Variants in IRS2 observed in about 807,000 individuals in gnomAD.
The protein encoded by IRS2 is insulin receptor substrate 2.
IRS2 carries 28 observed loss-of-function variants against 70.9 expected under a neutral mutation model. That is an observed-to-expected ratio of 0.39 (90% CI 0.29 to 0.54). The LOEUF is 0.54. Ranked by LOEUF, IRS2 falls within the 20% of genes least tolerant of loss-of-function variation. The pLI, the probability that IRS2 is intolerant of heterozygous loss-of-function variation, is 0.59. For synonymous variants in IRS2, 1,217 were observed against 981.9 expected, an observed-to-expected ratio of 1.24 and a Z score of -4.48; for missense variants, 2,081 against 2,024.1, an observed-to-expected ratio of 1.03 and a Z score of -0.54.
chr13:109,754,392 C>T lies in IRS2; in HGVS notation c.*1912G>A, dbSNP rs542609695. The T allele has an allele frequency of 3.3e-5, 7 of 210,160 alleles. No homozygotes were observed. The South Asian group carries it at 1.1e-3, about 34-fold the overall frequency. The allele number at this position is 210,160 out of a possible 1,614,324, so 13.0% of individuals were successfully genotyped here. A position where few individuals can be genotyped will look rare whatever the true frequency, so the allele number is the denominator to read the frequency against. Reference sequence around the variant, plus strand: ...TCATGACTACTCTACGGATAGAGGGCGAGTTAAATATGCGTCAATACACTG... The same window carrying T: ...TCATGACTACTCTACGGATAGAGGGTGAGTTAAATATGCGTCAATACACTG... On this transcript the variant is annotated 3_prime_UTR_variant, in exon 2 of 2. Transcript: ENST00000375856.
intron 1 of IRS2, among the ~76,000 whole-genome samples, chr13:109,768,220 T>C (rs903946252): frequency 3.3e-5 from 5 of 152,260 alleles, no homozygotes; most frequent in Non-Finnish European, 7.3e-5. Flanking sequence ...CTTTCACCAT[T>C]AGTTTTCTAC....
chr13:109,770,258 G>A (rs1330421094), intron 1 of IRS2, among the ~76,000 whole-genome samples: 2 of 152,246 alleles, frequency 1.3e-5, no homozygotes, highest in East Asian at 3.9e-4. Flanking sequence ...TACCCTTAAC[G>A]CAGCCTTTGG....
intron 1 of IRS2, among the ~76,000 whole-genome samples, chr13:109,773,904 CATT>C (rs1877513714): frequency 6.6e-6 from 1 of 152,234 alleles, no homozygotes; most frequent in East Asian, 1.9e-4. Context: ...TGAGATGTGT[CATT>C]GTTTGTATCA....
At position 109,782,326 on chromosome 13, in the gene IRS2, G is replaced by T. The variant is rs1048297070; in HGVS notation, c.3728C>A (p.Thr1243Asn). ...GSGGSPMRRETSAGFQNGLNY... is the reference protein window; with the variant it reads ...GSGGSPMRRENSAGFQNGLNY... Reference sequence around the variant, plus strand: ...GAGACCATTCTGGAAGCCGGCAGAGGTCTCTCTGCGCATGGGCGATCCACC... The same window carrying T: ...GAGACCATTCTGGAAGCCGGCAGAGTTCTCTCTGCGCATGGGCGATCCACC... Residue 1243 changes from threonine to asparagine, a missense_variant, in exon 1 of 2, where the codon ACC becomes AAC. Transcript: ENST00000375856. The T allele has an allele frequency of 6.2e-7, 1 of 1,611,762 alleles. No homozygotes were observed. Among genetic ancestry groups the T allele is most frequent in the South Asian group, 1.1e-5 (1 of 91,078 alleles).
chr13:109,770,469 A>G (rs572138008), intron 1 of IRS2, among the ~76,000 whole-genome samples: 2 of 152,304 alleles, frequency 1.3e-5, no homozygotes, highest in African/African-American at 4.8e-5. Context: ...GAAAACTTAC[A>G]AACACTACCT....
In IRS2 at chr13:109,759,418, G is replaced by A. The variant is rs531043753; in HGVS notation, c.4013-3110C>T. 1.1e-4 allele frequency among the ~76,000 whole-genome samples: 17 copies of A among 152,234 alleles called. No individual in the cohort carries two copies. The South Asian group carries it at 2.1e-3, about 19-fold the overall frequency. On this transcript the variant is annotated intron_variant, in intron 1 of 1. Transcript: ENST00000375856. ...TTAACCAGCAGAAACAATCCTTTGC[G>A]GAGGTGCAAAAGGGCAGCGAGGAAA...
Position 109,784,861 on chromosome 13 carries a change from G to C in IRS2, c.1193C>G (p.Pro398Arg), listed in dbSNP as rs949365108. ...SPLSPGPVRA[P>R]LSRSHTLSGG... ...GCTCAGGGTGTGCGAGCGGCTCAGGGGCGCGCGCACCGGCCCGGGGCTCAG... is the reference window on the plus strand; with the variant it reads ...GCTCAGGGTGTGCGAGCGGCTCAGGCGCGCGCGCACCGGCCCGGGGCTCAG... Residue 398 changes from proline to arginine, a missense_variant, in exon 1 of 2, where the codon CCC becomes CGC. Coordinates refer to ENST00000375856, the MANE Select transcript of IRS2 (RefSeq NM_003749.3). The surrounding 1 kb of genome is among the most constrained non-coding windows in gnomAD (Gnocchi z 5.2). The C allele has an allele frequency of 6.9e-6, 8 of 1,154,378 alleles. No individual in the cohort carries two copies. 71.5% of individuals were successfully genotyped at this position (1,154,378 alleles called of 1,614,324 possible).
In IRS2 at chr13:109,783,102, G is replaced by T; in HGVS notation, c.2952C>A (p.Ser984Arg). ...PLSDYMNLDFSSPKSPKPGAP... is the reference protein window; with the variant it reads ...PLSDYMNLDFRSPKSPKPGAP... ...CGCCCGGCTTAGGAGACTTGGGGGA[G>T]CTGAAGTCGAGGTTCATGTAGTCGG... Residue 984 changes from serine to arginine, a missense_variant, in exon 1 of 2, where the codon AGC (serine) becomes AGA (arginine). Coordinates refer to ENST00000375856, the MANE Select transcript of IRS2 (RefSeq NM_003749.3). The T allele has an allele frequency of 7.2e-7, 1 of 1,391,774 alleles. No homozygotes were observed. The highest frequency in any genetic ancestry group is 9.3e-7 in the Non-Finnish European group (1 of 1,079,830). 86.2% of individuals were successfully genotyped at this position (1,391,774 alleles called of 1,614,324 possible). A position where few individuals can be genotyped will look rare whatever the true frequency, so the allele number is the denominator to read the frequency against.
chr13:109,782,159 C>G lies in IRS2; in HGVS notation c.3895G>C (p.Val1299Leu). The change falls in exon 1 of 2, where the codon GTC becomes CTC. Residue 1299 changes from valine (V) to leucine (L), a missense_variant. Coordinates refer to ENST00000375856, the MANE Select transcript of IRS2 (RefSeq NM_003749.3). ...SLGGLISAVG[V>L]GSTGGGCGGP... ...CCGCACCCGCCGCCGGTGCTGCCGA[C>G]GCCCACAGCGCTGATGAGACCCCCG... 3 of 1,606,218 alleles carry G rather than the reference C, an allele frequency of 1.9e-6. No individual in the cohort carries two copies. The highest frequency in any genetic ancestry group is 2.5e-6 in the Non-Finnish European group (3 of 1,176,740).
chr13:109,780,035 T>G (rs1457183917), intron 1 of IRS2, among the ~76,000 whole-genome samples: 1 of 152,176 alleles, frequency 6.6e-6, no homozygotes, highest in African/African-American at 2.4e-5. Context: ...CCTCCAGGCC[T>G]GGAGGCACAA....
At chr13:109,768,827 C>T (rs955112394) in intron 1 of IRS2, among the ~76,000 whole-genome samples, 8 of 152,138 alleles carry the variant, frequency 5.3e-5, no homozygotes, top group African/African-American at 1.7e-4. Context: ...TCTCCAACAG[C>T]AGGAGCCAGG....
chr13:109,760,608 C>T (rs559308242), intron 1 of IRS2, among the ~76,000 whole-genome samples: 1 of 152,326 alleles, frequency 6.6e-6, no homozygotes. Context: ...GACATTCATA[C>T]GTGGGATACA....
chr13:109,765,790 A>C (rs1468578646), intron 1 of IRS2, among the ~76,000 whole-genome samples: 1 of 40,266 alleles, frequency 2.5e-5, no homozygotes, highest in Non-Finnish European at 7.0e-5. Context: ...CCTGACTCCG[A>C]CTCCCCACCA....
chr13:109,776,995 T>TA (rs1252079747), intron 1 of IRS2, among the ~76,000 whole-genome samples: 1 of 152,218 alleles, frequency 6.6e-6, no homozygotes, highest in Non-Finnish European at 1.5e-5. Context: ...ATTTGTTCAT[T>TA]AAAACGCCAA....
At chr13:109,773,946 T>G (rs561722857) in intron 1 of IRS2, among the ~76,000 whole-genome samples, 92 of 152,348 alleles carry the variant, frequency 6.0e-4, no homozygotes, top group African/African-American at 2.1e-3. Context: ...TGATGATATC[T>G]ACAAACAACT....
At chr13:109,781,921 G>C in intron 1 of IRS2, 121 bp downstream of exon 1, 1 of 1,105,340 alleles carries the variant, frequency 9.0e-7, no homozygotes, top group East Asian at 2.6e-5. Context: ...CAAGGAGCCA[G>C]TGCCAGGCTG....
intron 1 of IRS2, among the ~76,000 whole-genome samples, chr13:109,768,995 CGTTAA>C (rs1267137225): frequency 2.6e-5 from 4 of 152,186 alleles, no homozygotes; most frequent in African/African-American, 9.7e-5. Context: ...ACGCTACAAA[CGTTAA>C]GTTTTCAGAA....
Position 109,784,052 on chromosome 13 carries a change from C to T in IRS2, c.2002G>A (p.Gly668Ser), listed in dbSNP as rs1260157399. The change falls in exon 1 of 2, where the codon GGC becomes AGC. Residue 668 changes from glycine to serine, a missense_variant. Physicochemically the swap from Gly to Ser is moderately conservative, Grantham distance 56. Transcript: ENST00000375856. The surrounding 1 kb of genome is among the most constrained non-coding windows in gnomAD (Gnocchi z 5.2). ...ATGTAGTCGTCGCTCCTGCAGCTGC[C>T]GCTCCCACTGCCCGCGAGGGCCGCG... ...PGAALAGSGS[G>S]SCRSDDYMPM... The T allele has an allele frequency of 6.5e-7, 1 of 1,550,346 alleles. No individual in the cohort carries two copies. The highest frequency in any genetic ancestry group is 8.7e-7 in the Non-Finnish European group (1 of 1,153,658).
intron 1 of IRS2, among the ~76,000 whole-genome samples, chr13:109,775,753 A>AACACACACACAC (rs71127906): frequency 2.6e-3 from 365 of 140,530 alleles, no homozygotes; most frequent in African/African-American, 5.8e-3. Flanking sequence ...ATATTATGGA[A>AACACACACACAC]ACACACACAC....
Sources: allele counts gnomAD v4.1 joint callset (sites outside exome capture counted in the v4.1 genomes callset), GRCh38; gene constraint gnomAD v4.1.1; non-coding constraint Gnocchi (gnomAD v3.1); transcripts MANE v1.5; gene names NCBI Gene and HGNC (gene_info 2026-07-23, HGNC 2026-07-21).